Variants in ADCK2 observed in about 807,000 individuals in gnomAD.
ADCK2 encodes the protein uncharacterized aarF domain-containing protein kinase 2.
In ADCK2, 37 loss-of-function variants were observed where a neutral mutation model predicts 52.3. The ratio of observed to expected loss-of-function variants is 0.71; its 90% CI spans 0.54 to 0.93. The LOEUF (loss-of-function observed/expected upper bound fraction) is 0.93. Among genes scored for constraint, ADCK2 ranks in the 40% least tolerant of loss-of-function variants. ADCK2 has a pLI of 0.00. For synonymous variants in ADCK2, 321 were observed against 349.2 expected, an observed-to-expected ratio of 0.92 and a Z score of 0.90; for missense variants, 695 against 798.7, an observed-to-expected ratio of 0.87 and a Z score of 1.56.
chr7:140,693,010 T>G lies in ADCK2; in HGVS notation c.1741-1653T>G, dbSNP rs979668899. ...TTGTCATTTTCTGTTTTGTTTTTAG[T>G]GGCCATCCTAATGGGTGTGAGGTGA... is the stretch of plus-strand genomic sequence containing the variant. On this transcript the variant is annotated intron_variant, in intron 7 of 7. Transcript: ENST00000072869. This position sits in a 1 kb window ranked among gnomAD's most constrained non-coding sequence, Gnocchi z 4.0. Among the ~76,000 whole-genome samples the G allele has an allele frequency of 6.6e-6, 1 of 152,218 alleles. No individual in the cohort carries two copies. The highest frequency in any genetic ancestry group is 2.4e-5 in the African/African-American group (1 of 41,454).
chr7:140,689,430 C>T (rs1563210435), intron 5 of ADCK2, among the ~76,000 whole-genome samples, 167 bp from the exon 6 acceptor site: 1 of 152,044 alleles, frequency 6.6e-6, no homozygotes, highest in Non-Finnish European at 1.5e-5. Context: ...GGCATTCCTC[C>T]CTATAGGTAT....
chr7:140,681,516 TTCATCATGTTAGCCAGGATGGTG>T (rs1794515991), intron 4 of ADCK2, among the ~76,000 whole-genome samples: 1 of 151,524 alleles, frequency 6.6e-6, no homozygotes, highest in Admixed American at 6.6e-5. Context: ...GAGATGGGGT[TTCATCATGTTAGCCAGGATGGTG>T]TCGATCTCCT....
rs547144931 is a variant in ADCK2, at chr7:140,674,008, T to C, written c.678T>C (p.Thr226=). The C allele has an allele frequency of 3.1e-6, 5 of 1,614,124 alleles. No individual in the cohort carries two copies. Among genetic ancestry groups the C allele is most frequent in the South Asian group, 1.1e-5 (1 of 91,084 alleles). ...KAYANTAFLE[T]DSVQRLGRAS... is the part of the protein sequence containing the mutation. The stretch of plus-strand genomic sequence containing the variant: ...ACGCCAACACTGCCTTCCTGGAGAC[T>C]GACAGCGTCCAGAGACTTGGCAGGG... Residue 226 remains threonine (T), a synonymous_variant, in exon 1 of 8, where the codon ACT becomes ACC. Transcript: ENST00000072869. The surrounding 1 kb of genome is among the most constrained non-coding windows in gnomAD (Gnocchi z 4.6).
chr7:140,679,874 G>T (rs543651468), intron 3 of ADCK2, among the ~76,000 whole-genome samples: 1 of 151,564 alleles, frequency 6.6e-6, no homozygotes, highest in Non-Finnish European at 1.5e-5. Context: ...GAGTTTTGCC[G>T]TGTTGGCCAG....
chr7:140,673,188 T>C lies in ADCK2; in HGVS notation c.-143T>C. On this transcript the variant is annotated 5_prime_UTR_variant, in exon 1 of 8. Transcript: ENST00000072869. The surrounding 1 kb of genome is among the most constrained non-coding windows in gnomAD (Gnocchi z 6.4). ...TCCGGCCTGAGGCCCGGCGAGGTGC[T>C]GGAGGGAGCGGGGCGCGGATCCGGC... 1.7e-6 allele frequency: 1 copy of C among 592,646 alleles called. No individual in the cohort carries two copies. Among genetic ancestry groups the C allele is most frequent in the Non-Finnish European group, 2.5e-6 (1 of 395,068 alleles). The allele number at this position is 592,646 out of a possible 1,614,324, so 36.7% of individuals were successfully genotyped here. A position where few individuals can be genotyped will look rare whatever the true frequency, so the allele number is the denominator to read the frequency against.
chr7:140,687,533 G>A (rs1312373797), intron 5 of ADCK2, among the ~76,000 whole-genome samples: 1 of 152,094 alleles, frequency 6.6e-6, no homozygotes. Flanking sequence ...TGGCCAACAC[G>A]GTGAAATCCT....
At position 140,686,471 on chromosome 7, in the gene ADCK2, A is replaced by G. The variant is rs551352381; in HGVS notation, c.1306-519A>G. Among the ~76,000 whole-genome samples the G allele has an allele frequency of 4.4e-4, 67 of 152,102 alleles. 1 individual carries two copies. Among genetic ancestry groups the G allele is most frequent in the Non-Finnish European group, 8.2e-4 (56 of 68,028 alleles). ...AATTTTTGTATTTTTGGTAGAGACG[A>G]GGTTTCACCTTGTTGGCCAGGCTGG... is the stretch of plus-strand genomic sequence containing the variant. On this transcript the variant is annotated intron_variant, in intron 4 of 7. Transcript: ENST00000072869.
At chr7:140,689,096 T>C (rs912691015) in intron 5 of ADCK2, among the ~76,000 whole-genome samples, 4 of 151,880 alleles carry the variant, frequency 2.6e-5, no homozygotes, top group Non-Finnish European at 5.9e-5. Flanking sequence ...GCCTCCCAGG[T>C]AGCTGGGATT....
chr7:140,679,056 G>T lies in ADCK2; in HGVS notation c.1081-99G>T. The T allele has an allele frequency of 4.1e-6, 6 of 1,463,320 alleles. No homozygotes were observed. In the South Asian group the frequency reaches 7.7e-5, roughly 19 times the overall value. The allele number at this position is 1,463,320 out of a possible 1,614,324, so 90.6% of individuals were successfully genotyped here. A position where few individuals can be genotyped will look rare whatever the true frequency, so the allele number is the denominator to read the frequency against. On this transcript the variant is annotated intron_variant, in intron 2 of 7. Transcript: ENST00000072869. ...TCTGCGGGGCAAGCTGGTGGGGAAG[G>T]TGGGGTGGATCTCATGACTTGCTAG...
intron 7 of ADCK2, 29 bp downstream of exon 7, chr7:140,690,842 G>C: frequency 6.2e-7 from 1 of 1,608,158 alleles, no homozygotes; most frequent in African/African-American, 1.3e-5. Flanking sequence ...GGAGGTCTCT[G>C]GGGAAGGTGG....
chr7:140,690,965 G>C lies in ADCK2; in HGVS notation c.1740+152G>C, dbSNP rs544360843. 6 of 737,134 alleles carry C rather than the reference G, an allele frequency of 8.1e-6. No homozygotes were observed. In the East Asian group the frequency reaches 1.6e-4, roughly 20 times the overall value. The allele number at this position is 737,134 out of a possible 1,614,324, so 45.7% of individuals were successfully genotyped here. A position where few individuals can be genotyped will look rare whatever the true frequency, so the allele number is the denominator to read the frequency against. On this transcript the variant is annotated intron_variant, in intron 7 of 7. Transcript: ENST00000072869. The stretch of plus-strand genomic sequence containing the variant: ...TTTTGAGACAGAGTCTCACTCTGTC[G>C]CCCAGGGTGGAGTGCAGTGGCGCGA...
intron 3 of ADCK2, among the ~76,000 whole-genome samples, chr7:140,679,733 C>T (rs1325179183): frequency 7.6e-6 from 1 of 131,672 alleles, no homozygotes; most frequent in Non-Finnish European, 1.5e-5. Flanking sequence ...AGTGCAGTGG[C>T]ATGATCTCAG....
At position 140,694,784 on chromosome 7, in the gene ADCK2, G is replaced by T; in HGVS notation, c.1862G>T (p.Gly621Val). 6.2e-7 allele frequency: 1 copy of T among 1,613,306 alleles called. No homozygotes were observed. The highest frequency in any genetic ancestry group is 8.5e-7 in the Non-Finnish European group (1 of 1,179,620). ...GCAGCGAGGCCCTTCCTCCTCACGGGCCCAGTGTGCCCCCCGTGATGGGGC... is the reference window on the plus strand; with the variant it reads ...GCAGCGAGGCCCTTCCTCCTCACGGTCCCAGTGTGCCCCCCGTGATGGGGC... Reference protein sequence around the residue: ...LEAARPFLLTGPVCPP With the variant: ...LEAARPFLLTVPVCPP The change falls in exon 8 of 8, where the codon GGC becomes GTC. Residue 621 changes from glycine to valine, a missense_variant. By Grantham distance (109) the Gly-to-Val change is moderately radical. Transcript: ENST00000072869.
In ADCK2 at chr7:140,674,267, A is replaced by G; in HGVS notation, c.933+4A>G. ...CCTCATCTCCGTGGCAGTGAAAGTA[A>G]GTGTTGTGAGAGCTCACAGCTCACC... On this transcript the variant is annotated splice_donor_region_variant and intron_variant, in intron 1 of 7. Transcript: ENST00000072869. This position sits in a 1 kb window ranked among gnomAD's most constrained non-coding sequence, Gnocchi z 4.6. 6.2e-7 allele frequency: 1 copy of G among 1,606,408 alleles called. No homozygotes were observed. The highest frequency in any genetic ancestry group is 8.5e-7 in the Non-Finnish European group (1 of 1,175,788).
rs1030020385 is a variant in ADCK2, at chr7:140,679,731, G to A, written c.1209+448G>A. On this transcript the variant is annotated intron_variant, in intron 3 of 7. Coordinates refer to ENST00000072869, the MANE Select transcript of ADCK2 (RefSeq NM_052853.4). ...TCTGTTGCCCAGGCTGGAGTGCAGT[G>A]GCATGATCTCAGCTCACTGCCACCT... Among the ~76,000 whole-genome samples, 6 of 144,086 alleles carry A rather than the reference G, an allele frequency of 4.2e-5. No individual in the cohort carries two copies. In the South Asian group the frequency reaches 1.3e-3, roughly 32 times the overall value. The allele number at this position is 144,086 out of a possible 152,430, so 94.5% of individuals were successfully genotyped here. A position where few individuals can be genotyped will look rare whatever the true frequency, so the allele number is the denominator to read the frequency against.
At chr7:140,679,044 C>G (rs909059432) in intron 2 of ADCK2, 111 bp from the exon 3 acceptor site, 2 of 1,398,440 alleles carry the variant, frequency 1.4e-6, no homozygotes, top group African/African-American at 2.9e-5. Flanking sequence ...GCGGGGCAAG[C>G]TGGTGGGGAA....
intron 4 of ADCK2, among the ~76,000 whole-genome samples, chr7:140,684,688 G>A (rs985364412): frequency 6.6e-6 from 1 of 152,124 alleles, no homozygotes; most frequent in African/African-American, 2.4e-5. Flanking sequence ...GTGGAGTCCT[G>A]CAGGCTGACA....
At position 140,689,604 on chromosome 7, in the gene ADCK2, G is replaced by C; in HGVS notation, c.1565G>C (p.Arg522Thr). 1.2e-6 allele frequency: 2 copies of C among 1,600,488 alleles called. No individual in the cohort carries two copies. Among genetic ancestry groups the C allele is most frequent in the Non-Finnish European group, 1.7e-6 (2 of 1,171,528 alleles). ...TTCCGTTGCATTTTCCAGGGCCAGA[G>C]AGTGGCTGAGCTGATCCTGCATCAT... ...FMAVVMGQGQ[R>T]VAELILHHAR... The change falls in exon 6 of 8, where the codon AGA becomes ACA. Residue 522 changes from arginine to threonine, a missense_variant. Physicochemically the swap from Arg to Thr is moderately conservative, Grantham distance 71 (BLOSUM62 -1). Transcript: ENST00000072869.
intron 5 of ADCK2, among the ~76,000 whole-genome samples, chr7:140,688,738 G>A (rs1350789552): frequency 2.0e-5 from 3 of 152,302 alleles, no homozygotes; most frequent in South Asian, 2.1e-4. Flanking sequence ...ATGCTGGCAC[G>A]TCCGATGTGG....
Sources: allele counts gnomAD v4.1 joint callset (sites outside exome capture counted in the v4.1 genomes callset), GRCh38; gene constraint gnomAD v4.1.1; non-coding constraint Gnocchi (gnomAD v3.1); transcripts MANE v1.5; gene names NCBI Gene and HGNC (gene_info 2026-07-23, HGNC 2026-07-21).